MEMO1: variants seen among roughly 807,000 people sequenced by gnomAD.
MEMO1 encodes protein MEMO1.
A neutral mutation model predicts 45.2 loss-of-function variants in MEMO1; 6 were observed. The observed-to-expected ratio is 0.13, with a 90% CI of 0.07 to 0.26. The LOEUF (loss-of-function observed/expected upper bound fraction) is 0.26. MEMO1 is among the 10% of genes least tolerant of loss of function. MEMO1 has a pLI of 1.00. For missense variants in MEMO1, 184 were observed against 370.5 expected (o/e 0.50, Z 4.13); for synonymous variants, 78 against 124.3 (o/e 0.63, Z 2.48).
chr2:31,891,569 A>G (rs922052916), intron 7 of MEMO1, among the ~76,000 whole-genome samples: 2 of 152,024 alleles, frequency 1.3e-5, no homozygotes, highest in Non-Finnish European at 2.9e-5. Flanking sequence ...AAAAAAAAAA[A>G]GACTAATTAC....
chr2:31,979,768 G>C (rs1480513571), intron 2 of MEMO1, among the ~76,000 whole-genome samples: 1 of 152,204 alleles, frequency 6.6e-6, no homozygotes, highest in Admixed American at 6.5e-5. Context: ...TTTAGTTGAT[G>C]ATTGTCAGAA....
intron 4 of MEMO1, among the ~76,000 whole-genome samples, chr2:31,927,817 G>T (rs554903095): frequency 1.3e-5 from 2 of 152,120 alleles, no homozygotes; most frequent in African/African-American, 4.8e-5. Flanking sequence ...GGTAGATGTG[G>T]TCTACATTTG....
intron 6 of MEMO1, among the ~76,000 whole-genome samples, chr2:31,909,956 C>T (rs1032405317): frequency 6.6e-6 from 1 of 151,672 alleles, no homozygotes; most frequent in African/African-American, 2.4e-5. Flanking sequence ...TGCAAAAAAC[C>T]AAAGACAAAC....
intron 2 of MEMO1, among the ~76,000 whole-genome samples, chr2:31,962,952 G>C (rs1668195605): frequency 6.6e-6 from 1 of 152,172 alleles, no homozygotes; most frequent in Non-Finnish European, 1.5e-5. Flanking sequence ...TCAGTTGAAG[G>C]CCTGCCTAAA....
intron 8 of MEMO1, among the ~76,000 whole-genome samples, chr2:31,882,318 T>C (rs574975355): frequency 7.2e-5 from 11 of 151,782 alleles, no homozygotes; most frequent in African/African-American, 2.7e-4. Context: ...CCCTGTCTCT[T>C]AAAAAAAGGA....
chr2:32,009,438 A>G (rs1391818334), intron 2 of MEMO1, among the ~76,000 whole-genome samples: 1 of 152,082 alleles, frequency 6.6e-6, no homozygotes, highest in East Asian at 1.9e-4. Context: ...AAATCCCTGA[A>G]AGGCCCTCCT....
At chr2:31,871,088 A>G (rs761155394) in intron 8 of MEMO1, among the ~76,000 whole-genome samples, 26 of 152,200 alleles carry the variant, frequency 1.7e-4, no homozygotes, top group Non-Finnish European at 2.1e-4. Flanking sequence ...ACAACTCATT[A>G]ATATAGAGCA....
chr2:31,869,270 TTAA>T (rs1449288380), intron 9 of MEMO1, among the ~76,000 whole-genome samples: 2 of 152,142 alleles, frequency 1.3e-5, no homozygotes, highest in Non-Finnish European at 2.9e-5. Flanking sequence ...TCTTTCTTAA[TTAA>T]TGTCATATTT....
intron 4 of MEMO1, among the ~76,000 whole-genome samples, chr2:31,922,731 G>A (rs1204347122): frequency 1.3e-5 from 2 of 151,896 alleles, no homozygotes; most frequent in African/African-American, 4.8e-5. Context: ...TGCAGTATTT[G>A]TTTTCTGTTC....
chr2:31,977,280 TAGAC>T (rs948853843), intron 2 of MEMO1, among the ~76,000 whole-genome samples: 8 of 152,170 alleles, frequency 5.3e-5, no homozygotes, highest in African/African-American at 9.7e-5. Flanking sequence ...ATTTTCTGTG[TAGAC>T]AGACAGTCAA....
chr2:31,896,560 C>T (rs1485391460), intron 6 of MEMO1, among the ~76,000 whole-genome samples: 2 of 152,174 alleles, frequency 1.3e-5, no homozygotes, highest in Non-Finnish European at 2.9e-5. Flanking sequence ...AATTTGCTGA[C>T]TCTTGTTCAA....
chr2:31,929,691 G>A (rs1219732314), intron 4 of MEMO1, among the ~76,000 whole-genome samples: 1 of 152,142 alleles, frequency 6.6e-6, no homozygotes, highest in Non-Finnish European at 1.5e-5. Context: ...GAAAGTGACA[G>A]GGTATCATTT....
chr2:31,986,239 A>G (rs1671241177), intron 2 of MEMO1, among the ~76,000 whole-genome samples: 1 of 152,082 alleles, frequency 6.6e-6, no homozygotes, highest in African/African-American at 2.4e-5. Context: ...CTAAAAATAC[A>G]AACAAAAAAA....
intron 6 of MEMO1, among the ~76,000 whole-genome samples, chr2:31,912,272 G>A (rs1014867467): frequency 6.6e-6 from 1 of 152,128 alleles, no homozygotes; most frequent in Non-Finnish European, 1.5e-5. Context: ...GGAGGTGGGG[G>A]TTGCAGCAGG....
intron 6 of MEMO1, among the ~76,000 whole-genome samples, chr2:31,900,425 C>T (rs1487215329): frequency 6.6e-6 from 1 of 152,024 alleles, no homozygotes; most frequent in Non-Finnish European, 1.5e-5. Context: ...CAAACTAACA[C>T]AGGAACAGAA....
chr2:31,908,610 T>C lies in MEMO1; in HGVS notation c.437+9316A>G, dbSNP rs76840254. On this transcript the variant is annotated intron_variant, in intron 6 of 9. Coordinates refer to ENST00000404530, the MANE Select transcript of MEMO1 (RefSeq NM_001301833.4). ...GAATACTTAAAGGGTAATGAACTAA[T>C]TGCTGGAGACTAAATGTGGACTACC... Among the ~76,000 whole-genome samples, 361 of 152,238 alleles carry C rather than the reference T, an allele frequency of 2.4e-3. 2 individuals carry two copies. The highest frequency in any genetic ancestry group is 8.5e-3 in the African/African-American group (351 of 41,524).
At chr2:31,920,452 G>C (rs1269598795) in intron 5 of MEMO1, among the ~76,000 whole-genome samples, 1 of 152,096 alleles carries the variant, frequency 6.6e-6, no homozygotes, top group Admixed American at 6.5e-5. Flanking sequence ...GGCGTTACAT[G>C]GAAGTAAATT....
chr2:32,005,172 G>A lies in MEMO1; in HGVS notation c.61+5015C>T, dbSNP rs560707895. On this transcript the variant is annotated intron_variant, in intron 2 of 9. Transcript: ENST00000404530. ...TGTAACACCGAGCAAAAGCTCAAAGGAGCCAGGTGCAGTGGCTCACACCTA... is the reference window on the plus strand; with the variant it reads ...TGTAACACCGAGCAAAAGCTCAAAGAAGCCAGGTGCAGTGGCTCACACCTA... Among the ~76,000 whole-genome samples the A allele has an allele frequency of 2.6e-5, 4 of 151,834 alleles. No homozygotes were observed. The South Asian group carries it at 8.3e-4, about 32-fold the overall frequency.
chr2:31,987,497 A>T (rs1364022682), intron 2 of MEMO1, among the ~76,000 whole-genome samples: 4 of 152,240 alleles, frequency 2.6e-5, no homozygotes, highest in Non-Finnish European at 2.9e-5. Context: ...TACACTTGTA[A>T]ATATTATTTA....
Sources: allele counts gnomAD v4.1 joint callset (sites outside exome capture counted in the v4.1 genomes callset), GRCh38; gene constraint gnomAD v4.1.1; transcripts MANE v1.5; gene names NCBI Gene and HGNC (gene_info 2026-07-23, HGNC 2026-07-21).